Variants in LIMS1 observed in about 807,000 individuals in gnomAD.
LIMS1 encodes LIM and senescent cell antigen-like-containing domain protein 1.
Under a neutral mutation model 44.1 loss-of-function variants are expected in LIMS1, and 18 were observed. The observed-to-expected ratio is 0.41, with a 90% CI of 0.28 to 0.61. The LOEUF is 0.61. LIMS1 is among the 20% of genes least tolerant of loss of function. The pLI is 0.32. For synonymous variants in LIMS1, 93 were observed against 149.1 expected, an observed-to-expected ratio of 0.62 and a Z score of 2.74; for missense variants, 201 against 422.0, an observed-to-expected ratio of 0.48 and a Z score of 4.59.
chr2:108,622,973 AT>A (rs68115708), intron 1 of LIMS1, among the ~76,000 whole-genome samples: 63,256 of 122,930 alleles, frequency 0.51, 13,966 homozygotes, highest in East Asian at 0.77. Flanking sequence ...AAACAACTAG[AT>A]TTTTTTTTTT....
At chr2:108,577,740 G>A (rs769743282) in intron 1 of LIMS1, among the ~76,000 whole-genome samples, 1 of 152,146 alleles carries the variant, frequency 6.6e-6, no homozygotes, top group Non-Finnish European at 1.5e-5. Context: ...TGCTTCAGAT[G>A]TTCTTACAAA....
chr2:108,613,184 A>C (rs897473785), intron 1 of LIMS1, among the ~76,000 whole-genome samples: 1 of 152,228 alleles, frequency 6.6e-6, no homozygotes, highest in East Asian at 1.9e-4. Context: ...CTCCAACGTC[A>C]GTTGTTAGTA....
At chr2:108,590,787 G>T (rs2577604) in intron 1 of LIMS1, among the ~76,000 whole-genome samples, 151,585 of 152,352 alleles carry the variant, frequency 0.99, 75,417 homozygotes, top group Middle Eastern at 1. Context: ...CAGTTTTTAT[G>T]CTGGGCTGCA....
chr2:108,587,948 A>T (rs536081989), intron 1 of LIMS1, among the ~76,000 whole-genome samples: 3 of 152,038 alleles, frequency 2.0e-5, no homozygotes, highest in Non-Finnish European at 2.9e-5. Flanking sequence ...TAGCTGCTTG[A>T]CCCCAGAGTA....
At chr2:108,585,039 T>C (rs1686039006) in intron 1 of LIMS1, among the ~76,000 whole-genome samples, 1 of 150,440 alleles carries the variant, frequency 6.6e-6, no homozygotes, top group Non-Finnish European at 1.5e-5. Flanking sequence ...TTGACCCAGC[T>C]ACTTGGGAGG....
intron 2 of LIMS1, among the ~76,000 whole-genome samples, chr2:108,667,532 CTT>C (rs1205192856): frequency 9.2e-4 from 40 of 43,628 alleles, no homozygotes; most frequent in Admixed American, 6.6e-3. Flanking sequence ...TATTTTCAAC[CTT>C]TTTTAAAAAA....
intron 1 of LIMS1, among the ~76,000 whole-genome samples, chr2:108,573,183 T>A (rs1685542917): frequency 6.6e-6 from 1 of 152,246 alleles, no homozygotes; most frequent in Non-Finnish European, 1.5e-5. Context: ...GGTAAGTTTC[T>A]AAATACTTAC....
At position 108,569,764 on chromosome 2, in the gene LIMS1, C is replaced by CCTTTTTTTTT. The variant is rs753691810; in HGVS notation, c.32+35170_32+35171insCTTTTTTTTT. Among the ~76,000 whole-genome samples the CCTTTTTTTTT allele has an allele frequency of 5.7e-3, 646 of 113,120 alleles. 58 individuals are homozygous for CCTTTTTTTTT. The highest frequency in any genetic ancestry group is 0.015 in the Middle Eastern group (3 of 196). The allele number at this position is 113,120 out of a possible 152,430, so 74.2% of individuals were successfully genotyped here. On this transcript the variant is annotated intron_variant, in intron 1 of 9. Coordinates refer to ENST00000544547, the Ensembl canonical transcript of LIMS1. ...TACAAACACTCACCGCCATATCTGG[C>CCTTTTTTTTT]TTTTTTTTTTTTTTTTTTTAGTGAT...
At chr2:108,625,556 G>A (rs997322133) in intron 1 of LIMS1, among the ~76,000 whole-genome samples, 3 of 151,942 alleles carry the variant, frequency 2.0e-5, no homozygotes, top group Non-Finnish European at 4.4e-5. Context: ...GGCTACGTCA[G>A]CCATTTGAAA....
At chr2:108,558,054 A>G (rs944343963) in intron 1 of LIMS1, among the ~76,000 whole-genome samples, 12 of 152,208 alleles carry the variant, frequency 7.9e-5, no homozygotes, top group Non-Finnish European at 1.5e-5. Flanking sequence ...TTTAATACCT[A>G]AAAATTTTAA....
intron 1 of LIMS1, among the ~76,000 whole-genome samples, chr2:108,558,184 G>T: frequency 6.6e-6 from 1 of 151,784 alleles, no homozygotes; most frequent in East Asian, 1.9e-4. Context: ...TTGTAGTATC[G>T]GTTATATCAG....
chr2:108,586,324 AACTCT>A (rs1558797850), intron 1 of LIMS1, among the ~76,000 whole-genome samples: 1 of 152,224 alleles, frequency 6.6e-6, no homozygotes, highest in Non-Finnish European at 1.5e-5. Context: ...CCTATTTACA[AACTCT>A]TCGGGGGAAA....
Position 108,607,336 on chromosome 2 carries a change from T to C in LIMS1, c.33-52269T>C, listed in dbSNP as rs1307754268. The C allele has an allele frequency of 2.2e-6, 3 of 1,334,840 alleles. No homozygotes were observed. In the South Asian group the frequency reaches 3.8e-5, roughly 17 times the overall value. The allele number at this position is 1,334,840 out of a possible 1,614,324, so 82.7% of individuals were successfully genotyped here. On this transcript the variant is annotated intron_variant, in intron 1 of 9. Coordinates refer to ENST00000544547, the Ensembl canonical transcript of LIMS1. Reference sequence around the variant, plus strand: ...AACATAATTGAGCACACCAGTTGTCTGGTATCTTCATCACATAAATAGTAC... The same window carrying C: ...AACATAATTGAGCACACCAGTTGTCCGGTATCTTCATCACATAAATAGTAC...
intron 1 of LIMS1, among the ~76,000 whole-genome samples, chr2:108,569,764 C>CCTTTTTTTTTTTTTTTTTTTTTTTTTTT (rs753691810): frequency 1.8e-5 from 2 of 113,128 alleles, no homozygotes; most frequent in African/African-American, 6.9e-5. Flanking sequence ...CCATATCTGG[C>CCTTTTTTTTTTTTTTTTTTTTTTTTTTT]TTTTTTTTTT....
chr2:108,629,487 AT>A (rs1450880066), intron 1 of LIMS1, among the ~76,000 whole-genome samples: 1 of 152,220 alleles, frequency 6.6e-6, no homozygotes, highest in East Asian at 1.9e-4. Context: ...AGAGCTTCTG[AT>A]TCTCACAAGA....
chr2:108,638,028 T>C (rs1689399309), intron 1 of LIMS1, among the ~76,000 whole-genome samples: 1 of 152,022 alleles, frequency 6.6e-6, no homozygotes. Flanking sequence ...AATTTTTCTA[T>C]AGAGATGGTG....
At chr2:108,563,856 T>G (rs796727215) in intron 1 of LIMS1, among the ~76,000 whole-genome samples, 14 of 152,016 alleles carry the variant, frequency 9.2e-5, no homozygotes, top group African/African-American at 3.4e-4. Flanking sequence ...CACAGGAATT[T>G]GAGATGTGCC....
Position 108,551,381 on chromosome 2 carries a change from CTG to C in LIMS1, c.32+16789_32+16790del, listed in dbSNP as rs963315316. Among the ~76,000 whole-genome samples the C allele has an allele frequency of 9.7e-5, 14 of 143,862 alleles. 1 individual carries two copies. Among genetic ancestry groups the C allele is most frequent in the African/African-American group, 2.5e-4 (10 of 39,508 alleles). The allele number at this position is 143,862 out of a possible 152,430, so 94.4% of individuals were successfully genotyped here. A position where few individuals can be genotyped will look rare whatever the true frequency, so the allele number is the denominator to read the frequency against. On this transcript the variant is annotated intron_variant, in intron 1 of 9. Transcript: ENST00000544547. ...TTATGTATTATATATTTATATATAA[CTG>C]TATATTTTATATTTATATATTTAGC...
chr2:108,563,075 A>G (rs1685178418), intron 1 of LIMS1, among the ~76,000 whole-genome samples: 3 of 152,214 alleles, frequency 2.0e-5, no homozygotes, highest in African/African-American at 4.8e-5. Context: ...GGTTTCCTGA[A>G]TATTTTAAGC....
Sources: gnomAD v4.1 joint callset for allele counts (sites outside exome capture counted in the v4.1 genomes callset) on GRCh38, gnomAD v4.1.1 for gene constraint, MANE v1.5 for transcripts, NCBI Gene and HGNC (gene_info 2026-07-23, HGNC 2026-07-21) for gene names.